The following RNF128 variants were observed in gnomAD, a reference collection of about 807,000 sequenced individuals.
RNF128 encodes ring finger protein 128, also known as E3 ubiquitin-protein ligase RNF128.
Under a neutral mutation model 26.2 loss-of-function variants are expected in RNF128, and 13 were observed. That is an observed-to-expected ratio of 0.50 (90% CI 0.32 to 0.79). RNF128 has a LOEUF of 0.79. Among genes scored for constraint, RNF128 ranks in the 30% least tolerant of loss-of-function variants. The pLI, the probability that RNF128 is intolerant of heterozygous loss-of-function variation, is 0.03. For missense variants in RNF128, 315 were observed against 349.7 expected (o/e 0.90, Z 0.79); for synonymous variants, 149 against 142.5 (o/e 1.05, Z -0.32).
intron 1 of RNF128, among the ~76,000 whole-genome samples, chrX:106,753,220 A>C (rs1293718936): frequency 1.8e-5 from 2 of 111,650 alleles, no homozygotes; most frequent in African/African-American, 3.2e-5. Context: ...TAAGAGATGA[A>C]CCTATCAAAA....
intron 1 of RNF128, among the ~76,000 whole-genome samples, chrX:106,756,166 G>A (rs1320133146): frequency 1.8e-5 from 2 of 111,340 alleles, no homozygotes; most frequent in Non-Finnish European, 3.8e-5. Context: ...ACTGCCCAAG[G>A]TAATTTACAG....
At chrX:106,749,022 A>T (rs1174638609) in intron 1 of RNF128, among the ~76,000 whole-genome samples, 1 of 112,183 alleles carries the variant, frequency 8.9e-6, no homozygotes, top group Non-Finnish European at 1.9e-5. Context: ...ATCAATTTTT[A>T]AAAAAGGAAG....
chrX:106,717,422 T>C (rs1037299497), intron 1 of RNF128, among the ~76,000 whole-genome samples: 1 of 111,854 alleles, frequency 8.9e-6, no homozygotes, highest in Non-Finnish European at 1.9e-5. Flanking sequence ...GATCAGACTG[T>C]GCTTTCAATT....
At chrX:106,764,812 C>T (rs1053128232) in intron 1 of RNF128, among the ~76,000 whole-genome samples, 3 of 112,130 alleles carry the variant, frequency 2.7e-5, no homozygotes, top group Non-Finnish European at 5.6e-5. Context: ...TTTATAATAT[C>T]GGAAATGAAT....
chrX:106,783,389 T>C (rs1930597208), intron 2 of RNF128, among the ~76,000 whole-genome samples: 1 of 111,824 alleles, frequency 8.9e-6, no homozygotes, highest in African/African-American at 3.2e-5. Context: ...AATGGTAGTT[T>C]ACATTTTGTG....
intron 1 of RNF128, among the ~76,000 whole-genome samples, chrX:106,761,857 C>A (rs1329701888): frequency 1.8e-5 from 2 of 109,879 alleles, no homozygotes; most frequent in Non-Finnish European, 3.8e-5. Context: ...GGTTTCTAAC[C>A]TCTATCTAGT....
intron 1 of RNF128, among the ~76,000 whole-genome samples, chrX:106,744,754 C>T (rs995180454): frequency 3.6e-5 from 4 of 111,770 alleles, no homozygotes; most frequent in African/African-American, 1.3e-4. Context: ...CCACCAAGCC[C>T]AGCCGAATAA....
intron 1 of RNF128, among the ~76,000 whole-genome samples, chrX:106,715,539 C>T (rs1198915221): frequency 9.0e-6 from 1 of 111,039 alleles, no homozygotes; most frequent in East Asian, 2.8e-4. Context: ...TAACTCTTAC[C>T]CCAGTGAAGA....
Position 106,727,124 on chromosome X carries a change from T to C in RNF128, c.211T>C (p.Tyr71His). The C allele has an allele frequency of 8.3e-7, 1 of 1,206,849 alleles. No individual in the cohort carries two copies. Among genetic ancestry groups the C allele is most frequent in the Non-Finnish European group, 1.1e-6 (1 of 893,636 alleles). Reference sequence around the variant, plus strand: ...GTGGGAGCTGAGCGAGGAGGGCGTGTACGGCCAGGACTCGCCGCTGGAGCC... The same window carrying C: ...GTGGGAGCTGAGCGAGGAGGGCGTGCACGGCCAGGACTCGCCGCTGGAGCC... ...TVWELSEEGV[Y>H]GQDSPLEPVA... The change falls in exon 1 of 7, where the codon TAC (tyrosine) becomes CAC (histidine). Residue 71 changes from tyrosine to histidine, a missense_variant. Physicochemically the swap from Tyr to His is moderately conservative, Grantham distance 83. Coordinates refer to ENST00000255499, the MANE Select transcript of RNF128 (RefSeq NM_194463.2).
intron 1 of RNF128, among the ~76,000 whole-genome samples, chrX:106,702,468 C>T (rs760493094): frequency 9.0e-6 from 1 of 111,212 alleles, no homozygotes; most frequent in South Asian, 3.8e-4. Flanking sequence ...AGAACAATGC[C>T]TGAGCCTATA....
intron 2 of RNF128, among the ~76,000 whole-genome samples, chrX:106,773,646 G>T (rs1168170973): frequency 9.0e-6 from 1 of 111,126 alleles, no homozygotes; most frequent in Non-Finnish European, 1.9e-5. Flanking sequence ...AGGCTGAGAA[G>T]GCAGGGTAGA....
rs367893708 is a variant in RNF128, at chrX:106,741,023, CATAA to C, written c.484+13634_484+13637del. Among the ~76,000 whole-genome samples, 222 of 111,079 alleles carry C rather than the reference CATAA, an allele frequency of 2.0e-3. 2 individuals are homozygous for C. Among genetic ancestry groups the C allele is most frequent in the African/African-American group, 6.9e-3 (211 of 30,634 alleles). On this transcript the variant is annotated intron_variant, in intron 1 of 6. Transcript: ENST00000255499. ...TACTGACTAGCATTCCTCTAGAAAA[CATAA>C]ATAAATAGCAACTGCAAATGTTAAA...
intron 6 of RNF128, among the ~76,000 whole-genome samples, chrX:106,791,752 A>G (rs1244156254): frequency 1.8e-5 from 2 of 111,566 alleles, no homozygotes; most frequent in Non-Finnish European, 3.8e-5. Context: ...AGAAACTAAA[A>G]TTGAATATAT....
chrX:106,779,348 C>CGTGTGTGTGTGTGTGTGT (rs372716238), intron 2 of RNF128, among the ~76,000 whole-genome samples: 2 of 90,114 alleles, frequency 2.2e-5, no homozygotes, highest in East Asian at 3.5e-4. Context: ...TACACAGTTA[C>CGTGTGTGTGTGTGTGTGT]GTGTGTGTGT....
intron 1 of RNF128, among the ~76,000 whole-genome samples, chrX:106,740,353 C>T (rs140679052): frequency 0.014 from 1,525 of 111,213 alleles, 9 homozygotes; most frequent in Middle Eastern, 0.032. Context: ...ATTTAAGGTA[C>T]AGAGTACAGG....
intron 2 of RNF128, among the ~76,000 whole-genome samples, chrX:106,783,596 TAGAA>T (rs1347687278): frequency 1.8e-5 from 2 of 111,592 alleles, no homozygotes; most frequent in Non-Finnish European, 3.8e-5. Context: ...CAGTTCAAAA[TAGAA>T]AGATCACTTA....
intron 1 of RNF128, among the ~76,000 whole-genome samples, chrX:106,756,045 C>T (rs775281227): frequency 2.2e-3 from 238 of 110,136 alleles, no homozygotes; most frequent in African/African-American, 7.7e-3. Context: ...TGAAGGACCT[C>T]TTCAAGGAGA....
intron 1 of RNF128, among the ~76,000 whole-genome samples, chrX:106,753,072 G>C (rs1445632761): frequency 9.0e-6 from 1 of 111,173 alleles, no homozygotes; most frequent in Non-Finnish European, 1.9e-5. Context: ...CTAGAAAATA[G>C]CTTCAAAAGT....
intron 1 of RNF128, among the ~76,000 whole-genome samples, chrX:106,771,335 A>G (rs1447090102): frequency 1.8e-5 from 2 of 112,658 alleles, no homozygotes; most frequent in Admixed American, 1.9e-4. Flanking sequence ...TTGTTCACCT[A>G]TGCCCTACCC....
Sources: allele counts gnomAD v4.1 joint callset (sites outside exome capture counted in the v4.1 genomes callset), GRCh38; gene constraint gnomAD v4.1.1; transcripts MANE v1.5; gene names NCBI Gene and HGNC (gene_info 2026-07-23, HGNC 2026-07-21).